Variants in ROBO1 observed in about 807,000 individuals in gnomAD.
The protein encoded by ROBO1 is roundabout homolog 1.
A neutral mutation model predicts 195.9 loss-of-function variants in ROBO1; 149 were observed. The observed-to-expected ratio is 0.76, with a 90% confidence interval of 0.67 to 0.87. ROBO1 has a LOEUF of 0.87. Among genes scored for constraint, ROBO1 ranks in the 40% least tolerant of loss-of-function variants. The probability of loss-of-function intolerance (pLI) is 0.00; values close to 1 mark genes in which losing one functional copy is unlikely to be tolerated. For synonymous variants in ROBO1, 816 were observed against 733.2 expected, an observed-to-expected ratio of 1.11 and a Z score of -1.82; for missense variants, 1,933 against 2,068.3, an observed-to-expected ratio of 0.93 and a Z score of 1.27.
intron 1 of ROBO1, among the ~76,000 whole-genome samples, chr3:79,613,404 T>C (rs1944725324): frequency 6.6e-6 from 1 of 152,072 alleles, no homozygotes; most frequent in East Asian, 1.9e-4. Flanking sequence ...GAAAGAAGTA[T>C]AACTAACAAG....
chr3:78,854,657 G>C (rs541501542), intron 4 of ROBO1, among the ~76,000 whole-genome samples: 14 of 152,028 alleles, frequency 9.2e-5, no homozygotes, highest in African/African-American at 2.9e-4. Context: ...GCAATAAACT[G>C]TTTTAACTAC....
chr3:78,867,068 T>G, intron 4 of ROBO1, among the ~76,000 whole-genome samples: 1 of 152,256 alleles, frequency 6.6e-6, no homozygotes, highest in East Asian at 1.9e-4. Flanking sequence ...AATTGGGACA[T>G]TATTTCCATT....
At chr3:79,462,487 G>A (rs1049208678) in intron 2 of ROBO1, among the ~76,000 whole-genome samples, 2 of 152,146 alleles carry the variant, frequency 1.3e-5, no homozygotes, top group Admixed American at 6.5e-5. Context: ...AAATGACAAC[G>A]GAGAGTAGGG....
chr3:78,669,434 T>C (rs1559721920), intron 11 of ROBO1, among the ~76,000 whole-genome samples: 1 of 152,170 alleles, frequency 6.6e-6, no homozygotes, highest in East Asian at 1.9e-4. Context: ...AATTCATGTT[T>C]ATTGCTGTCA....
chr3:79,400,269 T>A (rs2037316267), intron 2 of ROBO1, among the ~76,000 whole-genome samples: 1 of 151,984 alleles, frequency 6.6e-6, no homozygotes, highest in African/African-American at 2.4e-5. Context: ...CCATAAAAGA[T>A]ACATATATAA....
At chr3:79,441,611 C>T (rs922698049) in intron 2 of ROBO1, among the ~76,000 whole-genome samples, 3 of 152,000 alleles carry the variant, frequency 2.0e-5, no homozygotes, top group Admixed American at 2.0e-4. Context: ...TCTCCTTAGT[C>T]CTTCAAATAA....
chr3:79,329,997 AC>A (rs1332972685), intron 2 of ROBO1, among the ~76,000 whole-genome samples: 2 of 152,062 alleles, frequency 1.3e-5, no homozygotes, highest in East Asian at 3.9e-4. Flanking sequence ...CAATTGAGCC[AC>A]ATTTCAATAA....
chr3:79,234,206 A>C (rs566151685), intron 2 of ROBO1, among the ~76,000 whole-genome samples: 1 of 152,064 alleles, frequency 6.6e-6, no homozygotes, highest in Admixed American at 6.6e-5. Context: ...ACTACTTTTA[A>C]ATTTTTGTTT....
intron 3 of ROBO1, chr3:79,018,419 A>T: frequency 6.2e-7 from 1 of 1,613,932 alleles, no homozygotes; most frequent in Non-Finnish European, 8.5e-7. Context: ...GAACAGAGAC[A>T]TATTAATCCA....
chr3:79,720,671 T>G (rs1702656460), intron 1 of ROBO1, among the ~76,000 whole-genome samples: 1 of 152,206 alleles, frequency 6.6e-6, no homozygotes, highest in Non-Finnish European at 1.5e-5. Flanking sequence ...GCTCAAGATT[T>G]CTGTTACATT....
chr3:79,630,791 CA>C (rs1279389612), intron 1 of ROBO1, among the ~76,000 whole-genome samples: 1 of 151,934 alleles, frequency 6.6e-6, no homozygotes, highest in Non-Finnish European at 1.5e-5. Flanking sequence ...TTTCATGATA[CA>C]AAATCAACAT....
chr3:79,147,419 T>C (rs554723256), intron 2 of ROBO1, among the ~76,000 whole-genome samples: 7 of 151,946 alleles, frequency 4.6e-5, no homozygotes, highest in African/African-American at 1.2e-4. Flanking sequence ...TTTCAAGAGA[T>C]CAAAGAGGCC....
intron 1 of ROBO1, among the ~76,000 whole-genome samples, chr3:79,669,142 G>C (rs1313880227): frequency 6.6e-6 from 1 of 151,772 alleles, no homozygotes; most frequent in Non-Finnish European, 1.5e-5. Flanking sequence ...ACTGAATCAT[G>C]GGAGCGGGTC....
At chr3:79,104,421 C>A (rs928423963) in intron 3 of ROBO1, among the ~76,000 whole-genome samples, 4 of 151,600 alleles carry the variant, frequency 2.6e-5, no homozygotes, top group Admixed American at 6.6e-5. Context: ...GATAAATATG[C>A]CTGATGTTGT....
chr3:79,348,210 C>CA (rs71127380), intron 2 of ROBO1, among the ~76,000 whole-genome samples: 12,344 of 72,578 alleles, frequency 0.17, 910 homozygotes, highest in East Asian at 0.26. Context: ...GACTCCATCT[C>CA]AAAAAAAAAA....
intron 4 of ROBO1, among the ~76,000 whole-genome samples, chr3:78,932,593 C>T (rs912086705): frequency 6.9e-6 from 1 of 144,794 alleles, no homozygotes; most frequent in African/African-American, 2.4e-5. Context: ...TATGACATAG[C>T]TGACTATGTA....
At chr3:79,491,565 T>C (rs892647146) in intron 2 of ROBO1, among the ~76,000 whole-genome samples, 3 of 152,180 alleles carry the variant, frequency 2.0e-5, no homozygotes, top group Non-Finnish European at 4.4e-5. Context: ...GTGCATAAAA[T>C]CTTTGAGAGC....
intron 1 of ROBO1, among the ~76,000 whole-genome samples, chr3:79,623,473 A>T (rs549117578): frequency 3.3e-5 from 5 of 152,332 alleles, no homozygotes; most frequent in African/African-American, 1.2e-4. Flanking sequence ...GGAATTGCTA[A>T]CTAGAATAAG....
At chr3:78,964,339 T>C (rs1264453909) in intron 3 of ROBO1, among the ~76,000 whole-genome samples, 3 of 151,966 alleles carry the variant, frequency 2.0e-5, no homozygotes, top group Admixed American at 1.3e-4. Context: ...CCCGTAACCA[T>C]AGGATAAGCA....
Sources: allele counts gnomAD v4.1 joint callset (sites outside exome capture counted in the v4.1 genomes callset), GRCh38; gene constraint gnomAD v4.1.1; transcripts MANE v1.5; gene names NCBI Gene and HGNC (gene_info 2026-07-23, HGNC 2026-07-21).